Variants in TRAPPC10 observed in about 807,000 individuals in gnomAD.
TRAPPC10 encodes the protein trafficking protein particle complex subunit 10.
A neutral mutation model predicts 125.5 loss-of-function variants in TRAPPC10; 23 were observed. That is an observed-to-expected ratio of 0.18 (90% CI 0.13 to 0.26). TRAPPC10 has a LOEUF of 0.26. TRAPPC10 is among the 10% of genes least tolerant of loss of function. TRAPPC10 has a pLI of 1.00. For synonymous variants in TRAPPC10, 509 were observed against 518.0 expected, an observed-to-expected ratio of 0.98 and a Z score of 0.24; for missense variants, 1,123 against 1,308.4, an observed-to-expected ratio of 0.86 and a Z score of 2.19.
chr21:44,086,920 C>T lies in TRAPPC10; in HGVS notation c.2499C>T (p.Cys833=). The T allele has an allele frequency of 6.2e-7, 1 of 1,614,182 alleles. No homozygotes were observed. Among genetic ancestry groups the T allele is most frequent in the South Asian group, 1.1e-5 (1 of 91,082 alleles). ...ATGCCGAAGCCATGCTCATCCTGTGCCAGGCGGAGAGCAGGGCTGTGGTCT... is the reference window on the plus strand; with the variant it reads ...ATGCCGAAGCCATGCTCATCCTGTGTCAGGCGGAGAGCAGGGCTGTGGTCT... ...LSNAEAMLIL[C]QAESRAVVYS... Residue 833 remains cysteine, a synonymous_variant, in exon 16 of 23, where the codon TGC becomes TGT. Coordinates refer to ENST00000291574, the MANE Select transcript of TRAPPC10 (RefSeq NM_003274.5).
rs760563960 is a variant in TRAPPC10, at chr21:44,075,146, A to G, written c.1293A>G (p.Pro431=). Residue 431 remains proline (P), a synonymous_variant, in exon 9 of 23, where the codon CCA becomes CCG. Coordinates refer to ENST00000291574, the MANE Select transcript of TRAPPC10 (RefSeq NM_003274.5). ...DLLAGLGAER[P]ETANTAQSPY... is the part of the protein sequence containing the mutation. ...TGGCAGGTTTGGGAGCTGAGCGACC[A>G]GAAACAGGTACTTTTTTGTATATAC... 1 of 1,613,356 alleles carries G rather than the reference A, an allele frequency of 6.2e-7. No individual in the cohort carries two copies. The highest frequency in any genetic ancestry group is 8.5e-7 in the Non-Finnish European group (1 of 1,179,284).
chr21:44,015,981 C>T (rs1265899183), intron 1 of TRAPPC10, among the ~76,000 whole-genome samples: 2 of 152,160 alleles, frequency 1.3e-5, no homozygotes, highest in African/African-American at 4.8e-5. Flanking sequence ...TGAAGAGGGA[C>T]TAGCACAGTA....
intron 6 of TRAPPC10, among the ~76,000 whole-genome samples, chr21:44,061,663 A>C (rs1275197732): frequency 6.6e-6 from 1 of 152,254 alleles, no homozygotes; most frequent in Non-Finnish European, 1.5e-5. Context: ...TGGTGCATAC[A>C]TTAGTTGAAA....
chr21:44,086,457 CATT>C (rs1402195988), intron 15 of TRAPPC10, among the ~76,000 whole-genome samples: 8 of 152,234 alleles, frequency 5.3e-5, no homozygotes, highest in African/African-American at 1.9e-4. Flanking sequence ...TCTTAAGCCT[CATT>C]ATGTGATTCT....
intron 1 of TRAPPC10, among the ~76,000 whole-genome samples, chr21:44,022,012 C>A (rs1173823447): frequency 6.6e-6 from 1 of 151,328 alleles, no homozygotes; most frequent in African/African-American, 2.4e-5. Context: ...GCCACCCAGT[C>A]TATGGCATTT....
Position 44,088,091 on chromosome 21 carries a change from C to A in TRAPPC10, c.2769+163C>A. On this transcript the variant is annotated intron_variant, in intron 17 of 22. Transcript: ENST00000291574. Reference sequence around the variant, plus strand: ...TCTGTCTGTCTGTGAATCACCCTTTCTTAGATAAGGGGTGCATTTTTTGCA... The same window carrying A: ...TCTGTCTGTCTGTGAATCACCCTTTATTAGATAAGGGGTGCATTTTTTGCA... The A allele has an allele frequency of 4.6e-6, 3 of 657,218 alleles. No individual in the cohort carries two copies. In the East Asian group the frequency reaches 8.2e-5, roughly 18 times the overall value. The allele number at this position is 657,218 out of a possible 1,614,324, so 40.7% of individuals were successfully genotyped here.
At chr21:44,061,106 T>G (rs950068429) in intron 6 of TRAPPC10, among the ~76,000 whole-genome samples, 5 of 151,714 alleles carry the variant, frequency 3.3e-5, no homozygotes, top group African/African-American at 1.2e-4. Flanking sequence ...CCCAGCTAAT[T>G]TATTTATTTA....
intron 7 of TRAPPC10, among the ~76,000 whole-genome samples, chr21:44,065,901 G>A (rs2036415957): frequency 6.6e-6 from 1 of 152,148 alleles, no homozygotes; most frequent in Non-Finnish European, 1.5e-5. Context: ...GTGTCTCACT[G>A]TGTCGCCCAG....
chr21:44,030,810 G>T (rs1408078805), intron 1 of TRAPPC10, among the ~76,000 whole-genome samples: 1 of 152,134 alleles, frequency 6.6e-6, no homozygotes, highest in South Asian at 2.1e-4. Context: ...AAATGAACAA[G>T]ATAAAAAGTG....
chr21:44,082,710 A>C lies in TRAPPC10; in HGVS notation c.1724-78A>C, dbSNP rs950624149. 1 of 1,511,486 alleles carries C rather than the reference A, an allele frequency of 6.6e-7. No homozygotes were observed. The highest frequency in any genetic ancestry group is 9.0e-7 in the Non-Finnish European group (1 of 1,108,406). The allele number at this position is 1,511,486 out of a possible 1,614,324, so 93.6% of individuals were successfully genotyped here. ...GCTTCAGTCTGCTCTCGGTGATCTT[A>C]CTGTGTCCGCGGCCTGCTGCTGCTT... is the stretch of plus-strand genomic sequence containing the variant. On this transcript the variant is annotated intron_variant, in intron 13 of 22. Coordinates refer to ENST00000291574, the MANE Select transcript of TRAPPC10 (RefSeq NM_003274.5). The surrounding 1 kb of genome is among the most constrained non-coding windows in gnomAD (Gnocchi z 4.4).
At chr21:44,064,339 G>C (rs1003113069) in intron 7 of TRAPPC10, among the ~76,000 whole-genome samples, 3 of 150,656 alleles carry the variant, frequency 2.0e-5, no homozygotes, top group Non-Finnish European at 2.9e-5. Context: ...GTGTGTGTGT[G>C]AGTGTGAGAA....
rs780986232 is a variant in TRAPPC10, at chr21:44,086,808, T to C, written c.2387T>C (p.Leu796Pro). 2 of 1,614,170 alleles carry C rather than the reference T, an allele frequency of 1.2e-6. No homozygotes were observed. The highest frequency in any genetic ancestry group is 1.7e-5 in the Admixed American group (1 of 60,022). ...QLHVEPLADS[L>P]LAGIPQRVKF... ...ACGATCTCTTTTCCTTTAGATAGCC[T>C]TCTGGCAGGCATTCCTCAGAGAGTC... The change falls in exon 16 of 23, where the codon CTT becomes CCT. Residue 796 changes from leucine to proline, a missense_variant. Transcript: ENST00000291574.
chr21:44,024,593 C>G (rs2032875361), intron 1 of TRAPPC10, among the ~76,000 whole-genome samples: 1 of 152,154 alleles, frequency 6.6e-6, no homozygotes, highest in Non-Finnish European at 1.5e-5. Flanking sequence ...AAGGAATGAA[C>G]AGTCAAATTA....
intron 5 of TRAPPC10, among the ~76,000 whole-genome samples, chr21:44,058,792 TGAGGGGC>T (rs2035809132): frequency 6.6e-6 from 1 of 151,944 alleles, no homozygotes; most frequent in African/African-American, 2.4e-5. Flanking sequence ...GGAGCCACAG[TGAGGGGC>T]GAGGGGAGCA....
At chr21:44,067,888 G>A (rs1427259812) in intron 7 of TRAPPC10, among the ~76,000 whole-genome samples, 12 of 152,136 alleles carry the variant, frequency 7.9e-5, no homozygotes, top group African/African-American at 2.4e-4. Flanking sequence ...TTGGGAGGTC[G>A]AGGTGGGCGG....
At chr21:44,089,717 C>A in intron 17 of TRAPPC10, 116 bp from the exon 18 acceptor site, 1 of 737,058 alleles carries the variant, frequency 1.4e-6, no homozygotes, top group Non-Finnish European at 2.4e-6. Flanking sequence ...TGGTTGAAGC[C>A]ATAATAAAAT....
At chr21:44,072,367 G>A (rs1204648817) in intron 7 of TRAPPC10, among the ~76,000 whole-genome samples, 1 of 152,230 alleles carries the variant, frequency 6.6e-6, no homozygotes, top group East Asian at 1.9e-4. Context: ...CGCTGCTGTG[G>A]CTCCTGGGCT....
rs1254854407 is a variant in TRAPPC10 at position 44,048,824 on chromosome 21, G to A, written c.286-3456G>A. Reference sequence around the variant, plus strand: ...TTTTTTTTTTTTTTTTTTTTGGTTGGTTCAGGCAGTGGTGTAAATCTAGTC... The same window carrying A: ...TTTTTTTTTTTTTTTTTTTTGGTTGATTCAGGCAGTGGTGTAAATCTAGTC... On this transcript the variant is annotated intron_variant, in intron 3 of 22. Transcript: ENST00000291574. Among the ~76,000 whole-genome samples the A allele has an allele frequency of 2.1e-5, 3 of 140,832 alleles. No homozygotes were observed. In the East Asian group the frequency reaches 6.0e-4, roughly 28 times the overall value. 92.4% of individuals were successfully genotyped at this position (140,832 alleles called of 152,430 possible). A position where few individuals can be genotyped will look rare whatever the true frequency, so the allele number is the denominator to read the frequency against.
Position 44,080,235 on chromosome 21 carries a change from G to T in TRAPPC10, c.1723+108G>T. The T allele has an allele frequency of 7.2e-6, 7 of 969,330 alleles. No individual in the cohort carries two copies. The South Asian group carries it at 8.9e-5, about 12-fold the overall frequency. 60.0% of individuals were successfully genotyped at this position (969,330 alleles called of 1,614,324 possible). On this transcript the variant is annotated intron_variant, in intron 13 of 22. Coordinates refer to ENST00000291574, the MANE Select transcript of TRAPPC10 (RefSeq NM_003274.5). Reference sequence around the variant, plus strand: ...TACAGTAAACAGTTGCTAACATTTTGCTGTGTAGCTGACATGTATCTATGT... The same window carrying T: ...TACAGTAAACAGTTGCTAACATTTTTCTGTGTAGCTGACATGTATCTATGT...
Sources: allele counts gnomAD v4.1 joint callset (sites outside exome capture counted in the v4.1 genomes callset), GRCh38; gene constraint gnomAD v4.1.1; non-coding constraint Gnocchi (gnomAD v3.1); transcripts MANE v1.5; gene names NCBI Gene and HGNC (gene_info 2026-07-23, HGNC 2026-07-21).